Variants in AGO1 observed in about 807,000 individuals in gnomAD.
AGO1 encodes argonaute RISC component 1.
In AGO1, 11 loss-of-function variants were observed where a neutral mutation model predicts 109.2. The ratio of observed to expected loss-of-function variants is 0.10; its 90% CI spans 0.06 to 0.17. The LOEUF is 0.17. Ranked by LOEUF, AGO1 falls within the 10% of genes least tolerant of loss-of-function variation. AGO1 has a pLI of 1.00. For missense variants in AGO1, 574 were observed against 1,140.3 expected (o/e 0.50, Z 7.15); for synonymous variants, 422 against 418.6 (o/e 1.01, Z -0.10).
Position 35,888,622 on chromosome 1 carries a change from A to G in AGO1, c.209+12A>G, listed in dbSNP as rs1645159927. Reference sequence around the variant, plus strand: ...CGTAGAGTCAACCGGTAAGTGATGCACACCTAAGCCACCAAATCTGAAAGA... The same window carrying G: ...CGTAGAGTCAACCGGTAAGTGATGCGCACCTAAGCCACCAAATCTGAAAGA... On this transcript the variant is annotated intron_variant, in intron 2 of 18. Transcript: ENST00000373204. The surrounding 1 kb of genome is among the most constrained non-coding windows in gnomAD (Gnocchi z 4.1). The G allele has an allele frequency of 6.2e-7, 1 of 1,613,700 alleles. No individual in the cohort carries two copies. The highest frequency in any genetic ancestry group is 1.3e-5 in the African/African-American group (1 of 74,922).
chr1:35,901,728 T>C lies in AGO1; in HGVS notation c.1140+135T>C. The stretch of plus-strand genomic sequence containing the variant: ...TAGGACTGTATAAGGCTGCTTTTGC[T>C]TCTTGACCGTATAGCTACTTTGCTT... On this transcript the variant is annotated intron_variant, in intron 9 of 18. Transcript: ENST00000373204. This position sits in a 1 kb window ranked among gnomAD's most constrained non-coding sequence, Gnocchi z 4.8. The C allele has an allele frequency of 1.4e-6, 2 of 1,430,652 alleles. No homozygotes were observed. The highest frequency in any genetic ancestry group is 2.7e-5 in the South Asian group (2 of 75,158). The allele number at this position is 1,430,652 out of a possible 1,614,324, so 88.6% of individuals were successfully genotyped here.
In AGO1 at chr1:35,906,972, G is replaced by A; in HGVS notation, c.1435G>A (p.Ala479Thr). The A allele has an allele frequency of 6.2e-7, 1 of 1,614,032 alleles. No homozygotes were observed. Among genetic ancestry groups the A allele is most frequent in the Non-Finnish European group, 8.5e-7 (1 of 1,179,944 alleles). The change falls in exon 12 of 19, where the codon GCG (alanine) becomes ACG (threonine). Residue 479 changes from alanine (A) to threonine (T), a missense_variant. Physicochemically the swap from Ala to Thr is moderately conservative, Grantham distance 58. Coordinates refer to ENST00000373204, the MANE Select transcript of AGO1 (RefSeq NM_012199.5). ...TDQLRKISKD[A>T]GMPIQGQPCF... ...CCAGCTGCGGAAGATTTCCAAGGAT[G>A]CGGGGATGCCTATCCAGGGTCAACC...
intron 1 of AGO1, among the ~76,000 whole-genome samples, chr1:35,887,886 C>T (rs559072644): frequency 1.3e-5 from 2 of 152,168 alleles, no homozygotes; most frequent in Admixed American, 6.6e-5. Context: ...CTCCAACTCT[C>T]GCCATTCAGT....
rs763795877 is a variant in AGO1, at chr1:35,906,971, T to C, written c.1434T>C (p.Asp478=). ...ACCAGCTGCGGAAGATTTCCAAGGA[T>C]GCGGGGATGCCTATCCAGGGTCAAC... The part of the protein sequence containing the change: ...FTDQLRKISK[D]AGMPIQGQPC... The change falls in exon 12 of 19, where the codon GAT becomes GAC. Residue 478 remains aspartate (D), a synonymous_variant. Transcript: ENST00000373204. The C allele has an allele frequency of 1.8e-5, 29 of 1,613,852 alleles. No homozygotes were observed. The highest frequency in any genetic ancestry group is 2.5e-6 in the Non-Finnish European group (3 of 1,179,946).
intron 1 of AGO1, among the ~76,000 whole-genome samples, chr1:35,870,277 G>A (rs1407682996): frequency 6.6e-6 from 1 of 151,276 alleles, no homozygotes; most frequent in Admixed American, 6.6e-5. Flanking sequence ...AACATTTTTT[G>A]TTGTTGTTTT....
At chr1:35,877,841 C>T (rs866919855) in intron 1 of AGO1, among the ~76,000 whole-genome samples, 11 of 151,754 alleles carry the variant, frequency 7.2e-5, no homozygotes, top group Middle Eastern at 3.4e-3. Context: ...AGCAGGCGAG[C>T]GCCACCACGC....
chr1:35,898,251 G>A (rs187343599), intron 8 of AGO1, among the ~76,000 whole-genome samples: 36 of 151,188 alleles, frequency 2.4e-4, no homozygotes, highest in Admixed American at 2.2e-3. Flanking sequence ...ATATAACAAT[G>A]TTTAACATCT....
chr1:35,880,220 G>C (rs896252888), upstream of AGO1, among the ~76,000 whole-genome samples: 1 of 151,832 alleles, frequency 6.6e-6, no homozygotes, highest in African/African-American at 2.4e-5. Flanking sequence ...AGGTGTGGTA[G>C]CTCACCTTTG....
chr1:35,878,133 G>C (rs1311559632), intron 1 of AGO1, among the ~76,000 whole-genome samples: 2 of 151,728 alleles, frequency 1.3e-5, no homozygotes, highest in African/African-American at 4.8e-5. Flanking sequence ...ACCCAGGCTG[G>C]AGTGCAGTGG....
chr1:35,893,690 C>T lies in AGO1; in HGVS notation c.529C>T (p.Arg177Cys), dbSNP rs369913779. 4.3e-6 allele frequency: 7 copies of T among 1,613,064 alleles called. No individual in the cohort carries two copies. Among genetic ancestry groups the T allele is most frequent in the Non-Finnish European group, 5.9e-6 (7 of 1,179,636 alleles). Residue 177 changes from arginine (R) to cysteine (C), a missense_variant, in exon 5 of 19, where the codon CGC becomes TGC. Around this residue, in one of 8 missense-constraint regions of AGO1, gnomAD observed 129 missense variants for 243.0 expected, o/e 0.53. Transcript: ENST00000373204. The surrounding 1 kb of genome is among the most constrained non-coding windows in gnomAD (Gnocchi z 5.6). ...CCCTGCCAGGTACACCCCTGTGGGC[C>T]GCTCCTTCTTCTCACCGCCTGAGGG... Reference protein sequence around the residue: ...LASMRYTPVGRSFFSPPEGYY... With the variant: ...LASMRYTPVGCSFFSPPEGYY...
At chr1:35,894,933 GT>G (rs1157256071) in intron 7 of AGO1, among the ~76,000 whole-genome samples, 188 bp from the exon 8 acceptor site, 3 of 152,270 alleles carry the variant, frequency 2.0e-5, no homozygotes, top group Middle Eastern at 3.4e-3. Context: ...TGTATGTCCT[GT>G]TTTCCCATGA....
chr1:35,917,570 C>T (rs1458877223), intron 15 of AGO1, 23 bp from the exon 16 acceptor site: 1 of 1,598,148 alleles, frequency 6.3e-7, no homozygotes, highest in Non-Finnish European at 8.6e-7. Flanking sequence ...TCTTTGTTTC[C>T]CTCCCCATTT....
At chr1:35,891,899 A>G (rs1440823539) in intron 2 of AGO1, among the ~76,000 whole-genome samples, 1 of 149,510 alleles carries the variant, frequency 6.7e-6, no homozygotes, top group African/African-American at 2.5e-5. Flanking sequence ...TTTTTTTGAG[A>G]CAGGGTCTCG....
At chr1:35,881,944 TATG>T (rs1415689465), upstream of AGO1, among the ~76,000 whole-genome samples, 1 of 152,194 alleles carries the variant, frequency 6.6e-6, no homozygotes, top group African/African-American at 2.4e-5. Context: ...TCTAGCAAGA[TATG>T]ATAAGGGTCT....
chr1:35,878,577 A>G (rs976088448), upstream of AGO1, among the ~76,000 whole-genome samples: 1 of 152,182 alleles, frequency 6.6e-6, no homozygotes, highest in African/African-American at 2.4e-5. Flanking sequence ...CCTGATGCTC[A>G]TCCTCAGAAC....
chr1:35,904,450 A>G (rs968042049), intron 11 of AGO1, among the ~76,000 whole-genome samples: 4 of 152,142 alleles, frequency 2.6e-5, no homozygotes, highest in Admixed American at 6.5e-5. Flanking sequence ...CTGCTTGGCA[A>G]CATTGGAAAG....
chr1:35,919,115 G>A lies in AGO1; in HGVS notation c.2326G>A (p.Glu776Lys). The A allele has an allele frequency of 6.2e-7, 1 of 1,614,166 alleles. No individual in the cohort carries two copies. The highest frequency in any genetic ancestry group is 8.5e-7 in the Non-Finnish European group (1 of 1,180,020). Residue 776 changes from glutamate to lysine, a missense_variant, in exon 18 of 19, where the codon GAG (glutamate) becomes AAG (lysine). By Grantham distance (56) the Glu-to-Lys change is moderately conservative (BLOSUM62 1). Around this residue, in one of 8 missense-constraint regions of AGO1, gnomAD observed 62 missense variants for 192.0 expected, o/e 0.32. Coordinates refer to ENST00000373204, the MANE Select transcript of AGO1 (RefSeq NM_012199.5). This position sits in a 1 kb window ranked among gnomAD's most constrained non-coding sequence, Gnocchi z 6.6. ...LWDDNRFTADELQILTYQLCH... is the reference protein window; with the variant it reads ...LWDDNRFTADKLQILTYQLCH... Reference sequence around the variant, plus strand: ...GGATGACAACCGTTTCACAGCAGATGAGCTCCAGATCCTGACGTACCAGCT... The same window carrying A: ...GGATGACAACCGTTTCACAGCAGATAAGCTCCAGATCCTGACGTACCAGCT...
In AGO1 at chr1:35,915,518, G is replaced by A. The variant is rs1190144851; in HGVS notation, c.2004G>A (p.Gly668=). The A allele has an allele frequency of 2.5e-6, 4 of 1,613,974 alleles. No individual in the cohort carries two copies. In the African/African-American group the frequency reaches 5.3e-5, roughly 22 times the overall value. ...KPTRIIFYRD[G]VPEGQLPQIL... ...CCCGCATCATCTTCTACCGAGATGG[G>A]GTGCCTGAAGGCCAGCTACCCCAGG... The change falls in exon 15 of 19, where the codon GGG becomes GGA. Residue 668 remains glycine (G), a synonymous_variant. Coordinates refer to ENST00000373204, the MANE Select transcript of AGO1 (RefSeq NM_012199.5).
At chr1:35,884,966 AT>A (rs896403516) in intron 1 of AGO1, among the ~76,000 whole-genome samples, 9 of 152,090 alleles carry the variant, frequency 5.9e-5, no homozygotes, top group African/African-American at 2.2e-4. Flanking sequence ...TAGTGGAATT[AT>A]TTTGTTTTTT....
Sources: allele counts gnomAD v4.1 joint callset (sites outside exome capture counted in the v4.1 genomes callset), GRCh38; gene constraint gnomAD v4.1.1; regional missense constraint gnomAD v4.1.1; non-coding constraint Gnocchi (gnomAD v3.1); transcripts MANE v1.5; gene names NCBI Gene and HGNC (gene_info 2026-07-23, HGNC 2026-07-21).